TEX11: variants seen among roughly 807,000 people sequenced by gnomAD.
TEX11 encodes the protein testis-expressed protein 11.
TEX11 carries 7 observed loss-of-function variants against 84.4 expected under a neutral mutation model. The observed-to-expected ratio is 0.08, with a 90% confidence interval of 0.05 to 0.16. The LOEUF (loss-of-function observed/expected upper bound fraction) is 0.16, where lower values mean the gene tolerates loss of function less well. Ranked by LOEUF, TEX11 falls within the 10% of genes least tolerant of loss-of-function variation. The pLI is 1.00. For missense variants in TEX11, 551 were observed against 660.5 expected, an observed-to-expected ratio of 0.83 and a Z score of 1.82; for synonymous variants, 264 against 222.8, an observed-to-expected ratio of 1.18 and a Z score of -1.64.
Position 70,610,095 on chromosome X carries a change from G to A in TEX11, c.1792+408C>T, listed in dbSNP as rs185937179. 9.6e-4 allele frequency among the ~76,000 whole-genome samples: 101 copies of A among 105,132 alleles called. No individual in the cohort carries two copies. In the Admixed American group the frequency reaches 9.8e-3, roughly 10 times the overall value. The allele number at this position is 105,132 out of a possible 115,157, so 91.3% of individuals were successfully genotyped here. A position where few individuals can be genotyped will look rare whatever the true frequency, so the allele number is the denominator to read the frequency against. ...TCAATTCTTAGGTTAGGATCAAGTG[G>A]CTACTAGAAAAGAAAGGTAGAGGGA... On this transcript the variant is annotated intron_variant, in intron 21 of 29. Transcript: ENST00000374333.
chrX:70,844,320 A>C (rs988738090), intron 7 of TEX11, among the ~76,000 whole-genome samples: 6 of 108,783 alleles, frequency 5.5e-5, no homozygotes, highest in African/African-American at 2.0e-4. Flanking sequence ...AGGGACATGG[A>C]TGAAACTGGA....
chrX:70,520,920 C>T, the TEX11 span, among the ~76,000 whole-genome samples: 20 of 112,117 alleles, frequency 1.8e-4, no homozygotes, highest in Non-Finnish European at 7.5e-5. Flanking sequence ...AGCAAAGCTC[C>T]GCGGGCATGG....
intron 24 of TEX11, among the ~76,000 whole-genome samples, chrX:70,604,240 A>G (rs1163834239): frequency 8.9e-6 from 1 of 112,158 alleles, no homozygotes; most frequent in Non-Finnish European, 1.9e-5. Flanking sequence ...ACTTTTAGAA[A>G]TTTAAAAGCA....
At chrX:70,539,945 T>C (rs1166545268) in intron 28 of TEX11, among the ~76,000 whole-genome samples, 1 of 111,134 alleles carries the variant, frequency 9.0e-6, no homozygotes, top group African/African-American at 3.3e-5. Flanking sequence ...GGACCAGTAG[T>C]AAAAAGGAGT....
At position 70,720,193 on chromosome X, in the gene TEX11, A is replaced by T. The variant is rs753045713; in HGVS notation, c.1004+2425T>A. Among the ~76,000 whole-genome samples the T allele has an allele frequency of 3.5e-4, 39 of 111,920 alleles. 1 individual carries two copies. In the Admixed American group the frequency reaches 3.7e-3, roughly 11 times the overall value. The stretch of plus-strand genomic sequence containing the variant: ...CACCATGGAATATTATGCAGCCATA[A>T]AAAGGATGAGTCCCTGTCCTATGTA... On this transcript the variant is annotated intron_variant, in intron 13 of 29. Transcript: ENST00000374333.
At chrX:70,782,963 G>T (rs73544750) in intron 9 of TEX11, among the ~76,000 whole-genome samples, 6,136 of 110,922 alleles carry the variant, frequency 0.055, 360 homozygotes, top group South Asian at 0.16. Flanking sequence ...TTTGAACTCA[G>T]CTCTGGACCA....
At chrX:70,851,267 T>G (rs991684884) in intron 7 of TEX11, among the ~76,000 whole-genome samples, 1 of 112,193 alleles carries the variant, frequency 8.9e-6, no homozygotes, top group African/African-American at 3.2e-5. Flanking sequence ...TGGAATAGAA[T>G]CAAGAGTCCA....
intron 20 of TEX11, 22 bp from the exon 21 acceptor site, chrX:70,610,565 T>C: frequency 8.4e-7 from 1 of 1,185,826 alleles, no homozygotes; most frequent in Non-Finnish European, 1.1e-6. Flanking sequence ...GAAAAGGATA[T>C]TTTCCAACTG....
In TEX11 at chrX:70,777,791, TA is replaced by T. The variant is rs895594232; in HGVS notation, c.692+28913del. Among the ~76,000 whole-genome samples the T allele has an allele frequency of 1.1e-4, 12 of 104,767 alleles. No individual in the cohort carries two copies. The East Asian group carries it at 1.5e-3, about 13-fold the overall frequency. 91.0% of individuals were successfully genotyped at this position (104,767 alleles called of 115,157 possible). A position where few individuals can be genotyped will look rare whatever the true frequency, so the allele number is the denominator to read the frequency against. On this transcript the variant is annotated intron_variant, in intron 9 of 29. Coordinates refer to ENST00000374333, the MANE Select transcript of TEX11 (RefSeq NM_031276.3). ...AAGAAGGGATCAAACCATACCACTA[TA>T]AAAAAAAAATCAAGTCACAAAGGAA... is the stretch of plus-strand genomic sequence containing the variant.
intron 9 of TEX11, among the ~76,000 whole-genome samples, chrX:70,753,159 C>G (rs1186971700): frequency 1.1e-5 from 1 of 87,793 alleles, no homozygotes; most frequent in Non-Finnish European, 2.1e-5. Context: ...TAAGAGAGTC[C>G]TAGTGCTGAA....
downstream of TEX11, among the ~76,000 whole-genome samples, chrX:70,524,967 A>G (rs988724735): frequency 2.7e-5 from 3 of 111,981 alleles, no homozygotes; most frequent in African/African-American, 9.7e-5. Context: ...TGAGCTCAGG[A>G]GTTTGAGACC....
chrX:70,870,634 C>T (rs780211556), intron 4 of TEX11, among the ~76,000 whole-genome samples: 1 of 111,468 alleles, frequency 9.0e-6, no homozygotes, highest in South Asian at 3.8e-4. Flanking sequence ...TGTGCCTGGC[C>T]AATCTCCTGT....
intron 13 of TEX11, among the ~76,000 whole-genome samples, chrX:70,704,339 C>T (rs1224983209): frequency 9.0e-6 from 1 of 110,773 alleles, no homozygotes; most frequent in East Asian, 2.8e-4. Flanking sequence ...ATATACTCCC[C>T]ATCTGTATAA....
chrX:70,526,958 A>C (rs986693567), downstream of TEX11, among the ~76,000 whole-genome samples: 1 of 112,178 alleles, frequency 8.9e-6, no homozygotes, highest in African/African-American at 3.2e-5. Flanking sequence ...ATAAATAATG[A>C]TAATGGCTTA....
intron 9 of TEX11, among the ~76,000 whole-genome samples, chrX:70,801,597 T>G (rs778579842): frequency 8.1e-5 from 9 of 110,896 alleles, no homozygotes; most frequent in Non-Finnish European, 1.5e-4. Flanking sequence ...CTTTCCTTTC[T>G]TTTCTTTCTT....
At chrX:70,790,645 C>T (rs751516978) in intron 9 of TEX11, among the ~76,000 whole-genome samples, 2 of 112,074 alleles carry the variant, frequency 1.8e-5, no homozygotes, top group Non-Finnish European at 3.8e-5. Context: ...AGATGGCTTT[C>T]CTGCAGTACT....
chrX:70,747,177 A>G (rs2090773619), intron 9 of TEX11, among the ~76,000 whole-genome samples: 1 of 112,157 alleles, frequency 8.9e-6, no homozygotes, highest in Non-Finnish European at 1.9e-5. Flanking sequence ...TCTCTCCCAG[A>G]ACTATAAAAG....
chrX:70,876,097 C>T (rs1003169704), intron 3 of TEX11, among the ~76,000 whole-genome samples: 2 of 112,377 alleles, frequency 1.8e-5, no homozygotes, highest in African/African-American at 6.4e-5. Flanking sequence ...ATGTAAGTGG[C>T]TGTTACATAG....
chrX:70,870,614 C>T (rs758151468), intron 4 of TEX11, among the ~76,000 whole-genome samples: 77 of 111,697 alleles, frequency 6.9e-4, no homozygotes, highest in Admixed American at 1.0e-3. Context: ...GGATTACAGG[C>T]GTGAGCCACT....
Sources: allele counts gnomAD v4.1 joint callset (sites outside exome capture counted in the v4.1 genomes callset), GRCh38; gene constraint gnomAD v4.1.1; transcripts MANE v1.5; gene names NCBI Gene and HGNC (gene_info 2026-07-23, HGNC 2026-07-21).